ELAPOR1: variants seen among roughly 807,000 people sequenced by gnomAD.
The protein encoded by ELAPOR1 is endosome-lysosome associated apoptosis and autophagy regulator 1.
ELAPOR1 carries 77 observed loss-of-function variants against 119.7 expected under a neutral mutation model. The ratio of observed to expected loss-of-function variants is 0.64; its 90% confidence interval spans 0.54 to 0.78. The LOEUF is 0.78. Ranked by LOEUF, ELAPOR1 falls within the 30% of genes least tolerant of loss-of-function variation. The probability of loss-of-function intolerance (pLI) is 0.00; values close to 1 mark genes in which losing one functional copy is unlikely to be tolerated. For missense variants in ELAPOR1, 1,115 were observed against 1,270.4 expected, an observed-to-expected ratio of 0.88 and a Z score of 1.86; for synonymous variants, 481 against 487.2, an observed-to-expected ratio of 0.99 and a Z score of 0.17.
intron 1 of ELAPOR1, among the ~76,000 whole-genome samples, chr1:109,151,053 A>G (rs1429822254): frequency 6.6e-6 from 1 of 152,190 alleles, no homozygotes; most frequent in Non-Finnish European, 1.5e-5. Context: ...TCCATGGGCC[A>G]TAGGTTAAGG....
At chr1:109,143,329 T>C (rs1649952269) in intron 1 of ELAPOR1, among the ~76,000 whole-genome samples, 1 of 152,286 alleles carries the variant, frequency 6.6e-6, no homozygotes, top group Admixed American at 6.5e-5. Flanking sequence ...TTGAAAGCAT[T>C]ATGCCAAGTA....
chr1:109,115,881 C>T (rs903624531), intron 1 of ELAPOR1, among the ~76,000 whole-genome samples: 1 of 152,182 alleles, frequency 6.6e-6, no homozygotes, highest in Non-Finnish European at 1.5e-5. Context: ...TCGCAGGGAA[C>T]AGTATGATCT....
At chr1:109,194,758 A>G (rs1290866473) in intron 15 of ELAPOR1, among the ~76,000 whole-genome samples, 164 bp downstream of exon 15, 1 of 152,208 alleles carries the variant, frequency 6.6e-6, no homozygotes, top group Non-Finnish European at 1.5e-5. Context: ...TTTCCCCTAA[A>G]ATTAAATAAT....
intron 7 of ELAPOR1, among the ~76,000 whole-genome samples, chr1:109,180,092 C>T (rs898979305): frequency 1.3e-5 from 2 of 152,136 alleles, no homozygotes; most frequent in Non-Finnish European, 2.9e-5. Flanking sequence ...GATTGGAGAA[C>T]TCACAGGAGC....
At chr1:109,133,856 C>T (rs1487604309) in intron 1 of ELAPOR1, among the ~76,000 whole-genome samples, 1 of 152,194 alleles carries the variant, frequency 6.6e-6, no homozygotes, top group Admixed American at 6.5e-5. Flanking sequence ...GCAGAAGGAT[C>T]ATCTGAGGCC....
In ELAPOR1 at chr1:109,194,466, C is replaced by A; in HGVS notation, c.1993C>A (p.Pro665Thr). The stretch of plus-strand genomic sequence containing the variant: ...CGATTGCACCTTCTCACGCAACACT[C>A]CGACCAGGACTTTCAACTACAACTT... ...YNDCTFSRNT[P>T]TRTFNYNFSA... The change falls in exon 15 of 22, where the codon CCG becomes ACG. Residue 665 changes from proline (P) to threonine (T), a missense_variant. Coordinates refer to ENST00000369939, the MANE Select transcript of ELAPOR1 (RefSeq NM_020775.5). 1 of 1,613,870 alleles carries A rather than the reference C, an allele frequency of 6.2e-7. No individual in the cohort carries two copies. Among genetic ancestry groups the A allele is most frequent in the South Asian group, 1.1e-5 (1 of 91,072 alleles).
chr1:109,161,758 G>C lies in ELAPOR1; in HGVS notation c.154-136G>C, dbSNP rs377062778. 1.4e-5 allele frequency: 14 copies of C among 989,982 alleles called. 1 individual carries two copies. The South Asian group carries it at 2.0e-4, about 14-fold the overall frequency. The allele number at this position is 989,982 out of a possible 1,614,324, so 61.3% of individuals were successfully genotyped here. On this transcript the variant is annotated intron_variant, in intron 1 of 21. Coordinates refer to ENST00000369939, the MANE Select transcript of ELAPOR1 (RefSeq NM_020775.5). ...TCTTGTACTCGGTTCATAATCATCA[G>C]CTCCCTGCCCGGGGTCCCAGGGCCC...
Position 109,125,251 on chromosome 1 carries a change from T to C in ELAPOR1, c.153+10915T>C, listed in dbSNP as rs552709981. Among the ~76,000 whole-genome samples the C allele has an allele frequency of 5.6e-3, 846 of 150,878 alleles. 7 individuals carry two copies. The highest frequency in any genetic ancestry group is 0.019 in the African/African-American group (785 of 41,066). ...GCTGGTAATTTTTGTATTTTTTTAG[T>C]AGAGATGGAATTTCCCTATATGTTG... On this transcript the variant is annotated intron_variant, in intron 1 of 21. Coordinates refer to ENST00000369939, the MANE Select transcript of ELAPOR1 (RefSeq NM_020775.5).
intron 8 of ELAPOR1, among the ~76,000 whole-genome samples, chr1:109,185,822 G>A (rs997078621): frequency 6.6e-6 from 1 of 152,052 alleles, no homozygotes; most frequent in Non-Finnish European, 1.5e-5. Context: ...GAAGAGAAGC[G>A]ACCAGGACTT....
At chr1:109,174,655 G>A (rs1652151841) in intron 7 of ELAPOR1, among the ~76,000 whole-genome samples, 1 of 151,740 alleles carries the variant, frequency 6.6e-6, no homozygotes, top group African/African-American at 2.4e-5. Flanking sequence ...GTGCCATGGT[G>A]TCATGGCAAA....
At chr1:109,153,039 T>A (rs1650636982) in intron 1 of ELAPOR1, among the ~76,000 whole-genome samples, 1 of 149,828 alleles carries the variant, frequency 6.7e-6, no homozygotes, top group Non-Finnish European at 1.5e-5. Flanking sequence ...TGGAGGCAGA[T>A]GTAGTGGGGT....
At chr1:109,181,170 T>G (rs1324144187) in intron 7 of ELAPOR1, among the ~76,000 whole-genome samples, 15 of 152,176 alleles carry the variant, frequency 9.9e-5, no homozygotes. Flanking sequence ...GACCCGGGCC[T>G]GTGTCCATTC....
intron 15 of ELAPOR1, among the ~76,000 whole-genome samples, chr1:109,196,450 G>A (rs1402719744): frequency 2.6e-5 from 4 of 152,164 alleles, no homozygotes; most frequent in South Asian, 2.1e-4. Flanking sequence ...TAGCAAAAGT[G>A]TCATTCAGTG....
chr1:109,171,385 TAA>T (rs946026840), intron 3 of ELAPOR1, among the ~76,000 whole-genome samples: 1 of 150,506 alleles, frequency 6.6e-6, no homozygotes, highest in East Asian at 1.9e-4. Flanking sequence ...CTGTCTCTAC[TAA>T]AAAAAAATAC....
chr1:109,149,876 C>T (rs890635508), intron 1 of ELAPOR1, among the ~76,000 whole-genome samples: 4 of 152,006 alleles, frequency 2.6e-5, no homozygotes, highest in Admixed American at 6.6e-5. Flanking sequence ...ACAGGGAGCT[C>T]GAGGTGGAAG....
chr1:109,181,662 A>G (rs1347088836), intron 7 of ELAPOR1, among the ~76,000 whole-genome samples: 1 of 152,150 alleles, frequency 6.6e-6, no homozygotes, highest in Non-Finnish European at 1.5e-5. Flanking sequence ...GCACCTTCCC[A>G]CGTTTTCAGC....
At chr1:109,193,007 C>A in intron 14 of ELAPOR1, 133 bp downstream of exon 14, 3 of 974,344 alleles carry the variant, frequency 3.1e-6, no homozygotes, top group Non-Finnish European at 4.6e-6. Context: ...AGGTTGGAGT[C>A]CTGGAGGACA....
At chr1:109,130,310 C>A (rs1474182342) in intron 1 of ELAPOR1, among the ~76,000 whole-genome samples, 1 of 152,118 alleles carries the variant, frequency 6.6e-6, no homozygotes, top group Non-Finnish European at 1.5e-5. Flanking sequence ...TTATGGTTAT[C>A]AAGTGCCAAA....
At position 109,133,557 on chromosome 1, in the gene ELAPOR1, C is replaced by T. The variant is rs146501905; in HGVS notation, c.153+19221C>T. ...TATGGTTACTGAGACTGTAGTATCT[C>T]CGGATATTATCTCCCAGTATCTACC... On this transcript the variant is annotated intron_variant, in intron 1 of 21. Coordinates refer to ENST00000369939, the MANE Select transcript of ELAPOR1 (RefSeq NM_020775.5). Among the ~76,000 whole-genome samples the T allele has an allele frequency of 8.2e-4, 125 of 152,186 alleles. 1 individual carries two copies. The highest frequency in any genetic ancestry group is 2.8e-3 in the African/African-American group (117 of 41,512).
Sources: allele counts gnomAD v4.1 joint callset (sites outside exome capture counted in the v4.1 genomes callset), GRCh38; gene constraint gnomAD v4.1.1; transcripts MANE v1.5; gene names NCBI Gene and HGNC (gene_info 2026-07-23, HGNC 2026-07-21).